GALNT18: variants seen among roughly 807,000 people sequenced by gnomAD.
GALNT18 encodes the protein GalNAc-transferase 18.
A neutral mutation model predicts 69.5 loss-of-function variants in GALNT18; 44 were observed. The observed-to-expected ratio is 0.63, with a 90% CI of 0.50 to 0.81. The LOEUF (loss-of-function observed/expected upper bound fraction) is 0.81. GALNT18 is among the 40% of genes least tolerant of loss of function. GALNT18 has a pLI of 0.00. For missense variants in GALNT18, 715 were observed against 810.0 expected (o/e 0.88, Z 1.42); for synonymous variants, 364 against 318.2 (o/e 1.14, Z -1.53).
chr11:11,514,767 G>A (rs1055238641), intron 1 of GALNT18, among the ~76,000 whole-genome samples: 3 of 152,318 alleles, frequency 2.0e-5, no homozygotes, highest in African/African-American at 7.2e-5. Flanking sequence ...AGACTCAACT[G>A]AGTGGCAGCA....
intron 3 of GALNT18, among the ~76,000 whole-genome samples, chr11:11,384,962 T>C (rs1009075951): frequency 6.6e-6 from 1 of 152,200 alleles, no homozygotes; most frequent in Non-Finnish European, 1.5e-5. Flanking sequence ...GGCTGGGTAA[T>C]TTACAAAGAA....
intron 6 of GALNT18, among the ~76,000 whole-genome samples, chr11:11,358,776 G>A (rs1850582697): frequency 7.4e-6 from 1 of 134,252 alleles, no homozygotes; most frequent in South Asian, 2.3e-4. Context: ...TCCAATTCAT[G>A]ACACAATGAT....
chr11:11,457,170 C>A (rs1487120), intron 1 of GALNT18, among the ~76,000 whole-genome samples: 53,332 of 152,046 alleles, frequency 0.35, 10,104 homozygotes, highest in East Asian at 0.8. Flanking sequence ...ACTGGCCCCA[C>A]TGGCTCGTGC....
Position 11,511,969 on chromosome 11 carries a change from A to G in GALNT18, c.236-63033T>C, listed in dbSNP as rs943693907. ...CTGATCAACACATATACATATGTAT[A>G]TGTATGCATACCATCATATGTATAC... On this transcript the variant is annotated intron_variant, in intron 1 of 10. Transcript: ENST00000227756. The surrounding 1 kb of genome is among the most constrained non-coding windows in gnomAD (Gnocchi z 4.9). 6.6e-6 allele frequency among the ~76,000 whole-genome samples: 1 copy of G among 152,216 alleles called. No individual in the cohort carries two copies. The highest frequency in any genetic ancestry group is 2.4e-5 in the African/African-American group (1 of 41,444).
At chr11:11,572,773 C>T (rs1298394525) in intron 1 of GALNT18, among the ~76,000 whole-genome samples, 4 of 152,174 alleles carry the variant, frequency 2.6e-5, no homozygotes, top group Non-Finnish European at 4.4e-5. Context: ...CAGAAGCAGG[C>T]GCCAGCTTCT....
intron 3 of GALNT18, among the ~76,000 whole-genome samples, chr11:11,406,992 G>A (rs185465759): frequency 6.4e-4 from 98 of 152,288 alleles, no homozygotes; most frequent in African/African-American, 2.2e-3. Context: ...GTTGGACCAG[G>A]AGGAGGCCTT....
chr11:11,274,260 C>T (rs909586309), intron 10 of GALNT18, among the ~76,000 whole-genome samples: 11 of 152,328 alleles, frequency 7.2e-5, no homozygotes, highest in Middle Eastern at 6.8e-3. Flanking sequence ...GCTGTTTGGG[C>T]AGACACTGAG....
intron 10 of GALNT18, among the ~76,000 whole-genome samples, chr11:11,274,615 T>C (rs748226873): frequency 1.3e-5 from 2 of 152,164 alleles, no homozygotes; most frequent in Admixed American, 6.6e-5. Context: ...TTTTGTTACA[T>C]AGGTATATGC....
intron 5 of GALNT18, among the ~76,000 whole-genome samples, chr11:11,376,208 C>G (rs1273530713): frequency 6.6e-6 from 1 of 152,096 alleles, no homozygotes; most frequent in East Asian, 1.9e-4. Flanking sequence ...TGATGAAACC[C>G]TGTCCCTAGT....
intron 2 of GALNT18, among the ~76,000 whole-genome samples, chr11:11,437,387 T>C (rs1036798655): frequency 2.6e-5 from 4 of 152,018 alleles, no homozygotes; most frequent in South Asian, 2.1e-4. Context: ...TAAGCCGGAA[T>C]TGATGGTCAT....
At position 11,606,979 on chromosome 11, in the gene GALNT18, C is replaced by T. The variant is rs1162593991; in HGVS notation, c.235+14380G>A. Among the ~76,000 whole-genome samples, 2 of 152,174 alleles carry T rather than the reference C, an allele frequency of 1.3e-5. No homozygotes were observed. The highest frequency in any genetic ancestry group is 4.8e-5 in the African/African-American group (2 of 41,454). On this transcript the variant is annotated intron_variant, in intron 1 of 10. Coordinates refer to ENST00000227756, the MANE Select transcript of GALNT18 (RefSeq NM_198516.3). The surrounding 1 kb of genome is among the most constrained non-coding windows in gnomAD (Gnocchi z 5.4). ...TAGAGAGCCTTCAGACAAGAGCCTT[C>T]ACCAGTGGGATATGATGTGAGAACT...
At chr11:11,294,143 GA>G (rs1239208277) in intron 9 of GALNT18, among the ~76,000 whole-genome samples, 1 of 151,000 alleles carries the variant, frequency 6.6e-6, no homozygotes, top group East Asian at 2.0e-4. Context: ...AACCCAAAAG[GA>G]AAAAGGAGAA....
At chr11:11,551,297 G>T (rs1363112746) in intron 1 of GALNT18, among the ~76,000 whole-genome samples, 1 of 151,944 alleles carries the variant, frequency 6.6e-6, no homozygotes, top group Non-Finnish European at 1.5e-5. Context: ...TGCAACAGAG[G>T]TCTGTCATAG....
At chr11:11,575,700 C>G (rs539072613) in intron 1 of GALNT18, among the ~76,000 whole-genome samples, 46 of 152,260 alleles carry the variant, frequency 3.0e-4, no homozygotes, top group South Asian at 8.3e-4. Context: ...TCCCCAGAAC[C>G]CAGCACAGTG....
At chr11:11,553,400 C>T (rs1858249010) in intron 1 of GALNT18, among the ~76,000 whole-genome samples, 1 of 152,212 alleles carries the variant, frequency 6.6e-6, no homozygotes, top group Admixed American at 6.5e-5. Flanking sequence ...CACTGCCAGG[C>T]AGCAAGGCTG....
At position 11,618,133 on chromosome 11, in the gene GALNT18, G is replaced by A. The variant is rs1437316834; in HGVS notation, c.235+3226C>T. On this transcript the variant is annotated intron_variant, in intron 1 of 10. Coordinates refer to ENST00000227756, the MANE Select transcript of GALNT18 (RefSeq NM_198516.3). This position sits in a 1 kb window ranked among gnomAD's most constrained non-coding sequence, Gnocchi z 6.1. ...AGTCATGACTAGAACAGACCTCTGG[G>A]GTGATGCTCCAAAGCCTCTTCTAAT... is the stretch of plus-strand genomic sequence containing the variant. Among the ~76,000 whole-genome samples the A allele has an allele frequency of 1.3e-5, 2 of 152,178 alleles. No homozygotes were observed. The highest frequency in any genetic ancestry group is 4.8e-5 in the African/African-American group (2 of 41,434).
At chr11:11,353,832 A>G (rs1198487229) in intron 6 of GALNT18, among the ~76,000 whole-genome samples, 1 of 152,112 alleles carries the variant, frequency 6.6e-6, no homozygotes, top group Non-Finnish European at 1.5e-5. Context: ...AGCACCATAG[A>G]GCCAACTGAT....
chr11:11,425,461 T>A (rs969328388), intron 3 of GALNT18, among the ~76,000 whole-genome samples: 11 of 152,210 alleles, frequency 7.2e-5, no homozygotes, highest in Non-Finnish European at 1.3e-4. Context: ...TAAAAGAATA[T>A]TTGATATTAC....
intron 3 of GALNT18, among the ~76,000 whole-genome samples, chr11:11,423,513 C>T (rs1855060480): frequency 6.6e-6 from 1 of 152,186 alleles, no homozygotes; most frequent in African/African-American, 2.4e-5. Flanking sequence ...TGCAACCCAT[C>T]TCTCCTTCTT....
Sources: allele counts gnomAD v4.1 joint callset (sites outside exome capture counted in the v4.1 genomes callset), GRCh38; gene constraint gnomAD v4.1.1; non-coding constraint Gnocchi (gnomAD v3.1); transcripts MANE v1.5; gene names NCBI Gene and HGNC (gene_info 2026-07-23, HGNC 2026-07-21).